Variants in BTNL3 observed in about 807,000 individuals in gnomAD.
The protein encoded by BTNL3 is butyrophilin like 3.
A neutral mutation model predicts 40.1 loss-of-function variants in BTNL3; 20 were observed. That is an observed-to-expected ratio of 0.50 (90% confidence interval 0.35 to 0.72). The LOEUF is 0.72. BTNL3 is among the 30% of genes least tolerant of loss of function. The pLI, the probability that BTNL3 is intolerant of heterozygous loss-of-function variation, is 0.01. For synonymous variants in BTNL3, 179 were observed against 222.1 expected, an observed-to-expected ratio of 0.81 and a Z score of 1.73; for missense variants, 449 against 582.2, an observed-to-expected ratio of 0.77 and a Z score of 2.35.
chr5:181,006,074 T>C lies in BTNL3; in HGVS notation c.*202T>C, dbSNP rs1280473377. The C allele has an allele frequency of 1.7e-6, 1 of 586,790 alleles. No individual in the cohort carries two copies. The highest frequency in any genetic ancestry group is 2.9e-6 in the Non-Finnish European group (1 of 349,300). The allele number at this position is 586,790 out of a possible 1,614,324, so 36.3% of individuals were successfully genotyped here. ...GTCACAGCTTCCAGATGAGGGGGGA[T>C]TGGCCTGACCCTGTGGGAGTCAGAA... On this transcript the variant is annotated 3_prime_UTR_variant, in exon 8 of 8. Coordinates refer to ENST00000342868, the MANE Select transcript of BTNL3 (RefSeq NM_197975.3).
chr5:180,992,244 AAAG>A (rs1247618771), intron 1 of BTNL3, among the ~76,000 whole-genome samples: 2 of 137,566 alleles, frequency 1.5e-5, no homozygotes, highest in African/African-American at 2.5e-5. Context: ...TACTTAAAAA[AAAG>A]AAGCACAAAT....
At chr5:181,005,289 C>G (rs753340237) in intron 7 of BTNL3, 45 bp from the exon 8 acceptor site, 1 of 1,601,900 alleles carries the variant, frequency 6.2e-7, no homozygotes, top group Non-Finnish European at 8.5e-7. Flanking sequence ...GCCCAGATTT[C>G]GTCTTCAGTA....
chr5:181,004,070 C>G, intron 5 of BTNL3, 194 bp downstream of exon 5: 1 of 1,496,620 alleles, frequency 6.7e-7, no homozygotes, highest in South Asian at 1.2e-5. Flanking sequence ...AGGATAGGCC[C>G]CGGGGCCTGG....
Position 180,988,849 on chromosome 5 carries a change from C to A in BTNL3, c.-180C>A. 1 of 689,894 alleles carries A rather than the reference C, an allele frequency of 1.4e-6. No homozygotes were observed. The highest frequency in any genetic ancestry group is 2.3e-6 in the Non-Finnish European group (1 of 429,120). The allele number at this position is 689,894 out of a possible 1,614,324, so 42.7% of individuals were successfully genotyped here. On this transcript the variant is annotated 5_prime_UTR_variant, in exon 1 of 8. Coordinates refer to ENST00000342868, the MANE Select transcript of BTNL3 (RefSeq NM_197975.3). ...AGTGACTCAAACTCCAGTGCCCATA[C>A]TCCTCATTCATACAGCCATGTTTAG... is the stretch of plus-strand genomic sequence containing the variant.
At chr5:181,001,423 C>T (rs1760106657) in intron 3 of BTNL3, among the ~76,000 whole-genome samples, 1 of 134,696 alleles carries the variant, frequency 7.4e-6, no homozygotes, top group African/African-American at 2.6e-5. Context: ...CCCACCTCAG[C>T]CTCCCAAGTA....
At position 181,005,822 on chromosome 5, in the gene BTNL3, G is replaced by A; in HGVS notation, c.1351G>A (p.Asp451Asn). Residue 451 changes from aspartate to asparagine, a missense_variant, in exon 8 of 8, where the codon GAC becomes AAC. By Grantham distance (23) the Asp-to-Asn change is conservative (BLOSUM62 1). This residue lies in a region of BTNL3 where 126 missense variants were observed against 117.2 expected (regional missense o/e 1.07). Coordinates refer to ENST00000342868, the MANE Select transcript of BTNL3 (RefSeq NM_197975.3). The stretch of plus-strand genomic sequence containing the variant: ...ACCCTATATCCAGCATGCGATGTAT[G>A]ACGAGGAAAAGGGGACTCCCATATT... ...LRPYIQHAMY[D>N]EEKGTPIFIC... The A allele has an allele frequency of 6.2e-7, 1 of 1,613,844 alleles. No individual in the cohort carries two copies. Among genetic ancestry groups the A allele is most frequent in the Non-Finnish European group, 8.5e-7 (1 of 1,179,884 alleles).
intron 1 of BTNL3, 68 bp from the exon 2 acceptor site, chr5:180,992,745 A>C (rs1759985416): frequency 7.0e-7 from 1 of 1,429,142 alleles, no homozygotes; most frequent in Admixed American, 2.0e-5. Flanking sequence ...ACACTTCTCC[A>C]CCCACCAGAG....
rs969252255 is a variant in BTNL3, at chr5:181,006,211, T to C, written c.*339T>C. 4.9e-6 allele frequency: 2 copies of C among 411,184 alleles called. No homozygotes were observed. The highest frequency in any genetic ancestry group is 1.2e-4 in the South Asian group (1 of 8,584). The allele number at this position is 411,184 out of a possible 1,614,324, so 25.5% of individuals were successfully genotyped here. A position where few individuals can be genotyped will look rare whatever the true frequency, so the allele number is the denominator to read the frequency against. On this transcript the variant is annotated 3_prime_UTR_variant, in exon 8 of 8. Transcript: ENST00000342868. ...AGTCACAACCTCCCAGGCTCCTCAT[T>C]TGCTAGTCACGGACAGTGATTCCTG...
In BTNL3 at chr5:180,997,625, G is replaced by T. The variant is rs753826444; in HGVS notation, c.673+137G>T. On this transcript the variant is annotated intron_variant, in intron 3 of 7. Coordinates refer to ENST00000342868, the MANE Select transcript of BTNL3 (RefSeq NM_197975.3). ...GTTTTGAGAGTCAAAGATTGATGAGGTATAAAAAACAAAACCAAACATTTG... is the reference window on the plus strand; with the variant it reads ...GTTTTGAGAGTCAAAGATTGATGAGTTATAAAAAACAAAACCAAACATTTG... The T allele has an allele frequency of 6.4e-6, 8 of 1,251,046 alleles. 3 individuals carry two copies. Among genetic ancestry groups the T allele is most frequent in the Non-Finnish European group, 8.7e-6 (8 of 917,216 alleles). The allele number at this position is 1,251,046 out of a possible 1,614,324, so 77.5% of individuals were successfully genotyped here.
In BTNL3 at chr5:181,005,762, A is replaced by G. The variant is rs1312738976; in HGVS notation, c.1291A>G (p.Thr431Ala). Residue 431 changes from threonine (T) to alanine (A), a missense_variant, in exon 8 of 8, where the codon ACC becomes GCC. Physicochemically the swap from Thr to Ala is moderately conservative, Grantham distance 58. Coordinates refer to ENST00000342868, the MANE Select transcript of BTNL3 (RefSeq NM_197975.3). ...TACAAATGACCAGTCCCTTATTTAT[A>G]CCCTGCTGACATGTCAGTTTGAAGG... ...FNTNDQSLIY[T>A]LLTCQFEGLL... 24 of 1,613,868 alleles carry G rather than the reference A, an allele frequency of 1.5e-5. No individual in the cohort carries two copies. Among genetic ancestry groups the G allele is most frequent in the Non-Finnish European group, 1.8e-5 (21 of 1,179,992 alleles).
intron 5 of BTNL3, 67 bp from the exon 6 acceptor site, chr5:181,004,350 C>T (rs1485256350): frequency 1.4e-6 from 1 of 734,540 alleles, no homozygotes; most frequent in South Asian, 1.8e-5. Context: ...CTCCCACGCC[C>T]TCCCTGGGCC....
chr5:181,000,363 A>G (rs566567828), intron 3 of BTNL3, among the ~76,000 whole-genome samples: 1 of 136,870 alleles, frequency 7.3e-6, no homozygotes, highest in Non-Finnish European at 1.7e-5. Context: ...ATAGAAGAAA[A>G]TTTTTTTTAT....
intron 7 of BTNL3, among the ~76,000 whole-genome samples, 155 bp from the exon 8 acceptor site, chr5:181,005,179 G>C (rs542582634): frequency 6.6e-6 from 1 of 152,066 alleles, no homozygotes; most frequent in Non-Finnish European, 1.5e-5. Context: ...AGTGAGGCAC[G>C]GGGGCTGCCC....
intron 1 of BTNL3, among the ~76,000 whole-genome samples, chr5:180,991,368 C>A (rs1267587577): frequency 1.5e-5 from 2 of 137,270 alleles, no homozygotes; most frequent in East Asian, 4.2e-4. Flanking sequence ...CATGCAGATA[C>A]CACACACAGA....
Position 180,998,865 on chromosome 5 carries a change from G to A in BTNL3, c.673+1377G>A, listed in dbSNP as rs555161218. ...TATCTGGCCGGGCGCAGTGGCTCAC[G>A]CCTGTAATCCCAGCACTTTGGAAGG... On this transcript the variant is annotated intron_variant, in intron 3 of 7. Coordinates refer to ENST00000342868, the MANE Select transcript of BTNL3 (RefSeq NM_197975.3). Among the ~76,000 whole-genome samples the A allele has an allele frequency of 8.4e-4, 116 of 137,566 alleles. 14 individuals carry two copies. Among genetic ancestry groups the A allele is most frequent in the African/African-American group, 2.7e-3 (110 of 40,060 alleles). 90.2% of individuals were successfully genotyped at this position (137,566 alleles called of 152,430 possible). A position where few individuals can be genotyped will look rare whatever the true frequency, so the allele number is the denominator to read the frequency against.
chr5:180,995,764 C>T (rs932088096), intron 2 of BTNL3, among the ~76,000 whole-genome samples: 7 of 135,806 alleles, frequency 5.2e-5, no homozygotes, highest in African/African-American at 1.5e-4. Flanking sequence ...GAAAGATTCC[C>T]GCTGGGCCAC....
Position 181,005,736 on chromosome 5 carries a change from A to G in BTNL3, c.1265A>G (p.Asn422Ser). Residue 422 changes from asparagine to serine, a missense_variant, in exon 8 of 8, where the codon AAT (asparagine) becomes AGT (serine). By Grantham distance (46) the Asn-to-Ser change is conservative. This residue lies in a region of BTNL3 where 126 missense variants were observed against 117.2 expected (regional missense o/e 1.07). Transcript: ENST00000342868. ...GAGGGTGGGACCATCTCCTTCTTCA[A>G]TACAAATGACCAGTCCCTTATTTAT... is the stretch of plus-strand genomic sequence containing the variant. ...DYEGGTISFF[N>S]TNDQSLIYTL... The G allele has an allele frequency of 1.2e-6, 2 of 1,614,068 alleles. No individual in the cohort carries two copies. Among genetic ancestry groups the G allele is most frequent in the Non-Finnish European group, 1.7e-6 (2 of 1,179,996 alleles).
chr5:180,996,213 C>A (rs944706015), intron 2 of BTNL3, among the ~76,000 whole-genome samples: 1 of 136,150 alleles, frequency 7.3e-6, no homozygotes, highest in Non-Finnish European at 1.7e-5. Flanking sequence ...CACAATAAAC[C>A]CTTCCTTGAT....
Position 180,997,546 on chromosome 5 carries a change from A to G in BTNL3, c.673+58A>G, listed in dbSNP as rs1022990442. The G allele has an allele frequency of 2.8e-6, 4 of 1,453,408 alleles. 1 individual carries two copies. In the African/African-American group the frequency reaches 4.1e-5, roughly 15 times the overall value. 90.0% of individuals were successfully genotyped at this position (1,453,408 alleles called of 1,614,324 possible). ...TGTGTGCATACGTAACCCAGGGTAGAGCAGCAGCTTGTGTCTGGGATTGTT... is the reference window on the plus strand; with the variant it reads ...TGTGTGCATACGTAACCCAGGGTAGGGCAGCAGCTTGTGTCTGGGATTGTT... On this transcript the variant is annotated intron_variant, in intron 3 of 7. Transcript: ENST00000342868.
Sources: allele counts gnomAD v4.1 joint callset (sites outside exome capture counted in the v4.1 genomes callset), GRCh38; gene constraint gnomAD v4.1.1; regional missense constraint gnomAD v4.1.1; transcripts MANE v1.5; gene names NCBI Gene and HGNC (gene_info 2026-07-23, HGNC 2026-07-21).